Variants in GREB1L observed in about 807,000 individuals in gnomAD.
The protein encoded by GREB1L is GREB1-like protein.
A neutral mutation model predicts 200.8 loss-of-function variants in GREB1L; 17 were observed. The ratio of observed to expected loss-of-function variants is 0.08; its 90% confidence interval spans 0.06 to 0.13. The LOEUF is 0.13. Ranked by LOEUF, GREB1L falls within the 10% of genes least tolerant of loss-of-function variation. GREB1L has a pLI of 1.00. For synonymous variants in GREB1L, 789 were observed against 893.0 expected (o/e 0.88, Z 2.08); for missense variants, 1,657 against 2,367.7 (o/e 0.70, Z 6.23).
At position 21,446,590 on chromosome 18, in the gene GREB1L, C is replaced by CTTTT. The variant is rs1406126639; in HGVS notation, c.1393+2182_1393+2183insTTTT. On this transcript the variant is annotated intron_variant, in intron 11 of 32. Coordinates refer to ENST00000424526, the MANE Select transcript of GREB1L (RefSeq NM_001142966.3). ...TGAATAGCTATTTCTCTTTTAAAAC[C>CTTTT]TAAGCTTTGTACATTGAGACATCTC... Among the ~76,000 whole-genome samples, 1,116 of 152,244 alleles carry CTTTT rather than the reference C, an allele frequency of 7.3e-3. 17 individuals carry two copies. The highest frequency in any genetic ancestry group is 0.025 in the African/African-American group (1,053 of 41,550).
Position 21,436,947 on chromosome 18 carries a change from G to T in GREB1L, c.833-2574G>T, listed in dbSNP as rs542044238. 5.9e-5 allele frequency among the ~76,000 whole-genome samples: 9 copies of T among 152,194 alleles called. No individual in the cohort carries two copies. The East Asian group carries it at 1.6e-3, about 26-fold the overall frequency. ...GCTAGTCTCAAACTCCTGGAGTCAA[G>T]TGATCAGCCAGCCTCAGTCACCCAA... On this transcript the variant is annotated intron_variant, in intron 7 of 32. Transcript: ENST00000424526.
intron 12 of GREB1L, among the ~76,000 whole-genome samples, chr18:21,450,116 T>C (rs1177706382): frequency 6.6e-6 from 1 of 152,218 alleles, no homozygotes; most frequent in Non-Finnish European, 1.5e-5. Flanking sequence ...TGCTGTCCTT[T>C]AAAGATTTTG....
intron 5 of GREB1L, among the ~76,000 whole-genome samples, chr18:21,397,958 CT>C (rs1330898883): frequency 1.3e-5 from 2 of 152,160 alleles, no homozygotes; most frequent in Admixed American, 6.5e-5. Flanking sequence ...AGTAGAACAA[CT>C]TCAGAAAACT....
intron 17 of GREB1L, among the ~76,000 whole-genome samples, chr18:21,479,662 T>C (rs2035843291): frequency 6.7e-6 from 1 of 149,634 alleles, no homozygotes; most frequent in Non-Finnish European, 1.5e-5. Context: ...TTGAGAGACA[T>C]AGCAAGACCC....
intron 1 of GREB1L, among the ~76,000 whole-genome samples, chr18:21,296,640 C>T (rs1158957627): frequency 1.3e-5 from 2 of 151,620 alleles, no homozygotes; most frequent in Non-Finnish European, 2.9e-5. Context: ...CCCAATCATT[C>T]AGCTTTTCTT....
At chr18:21,456,059 C>A (rs141663748) in intron 15 of GREB1L, among the ~76,000 whole-genome samples, 2,582 of 152,094 alleles carry the variant, frequency 0.017, 46 homozygotes, top group Non-Finnish European at 0.019. Flanking sequence ...GTGTGCACCA[C>A]CACTCCCAGC....
chr18:21,284,103 C>A (rs980778568), intron 1 of GREB1L, among the ~76,000 whole-genome samples: 4 of 152,100 alleles, frequency 2.6e-5, no homozygotes, highest in African/African-American at 9.7e-5. Context: ...ATGTGTTGTA[C>A]CTGTCAGCCT....
chr18:21,368,258 C>T (rs1016203990), intron 2 of GREB1L, among the ~76,000 whole-genome samples: 1 of 152,278 alleles, frequency 6.6e-6, no homozygotes, highest in African/African-American at 2.4e-5. Context: ...AAGGTTAAAG[C>T]ACCTTTCAAC....
At chr18:21,399,558 C>T (rs1162801420) in intron 5 of GREB1L, among the ~76,000 whole-genome samples, 1 of 152,006 alleles carries the variant, frequency 6.6e-6, no homozygotes, top group African/African-American at 2.4e-5. Flanking sequence ...CAGCCACTGG[C>T]AACCTTTTTT....
intron 1 of GREB1L, among the ~76,000 whole-genome samples, chr18:21,271,354 A>C (rs1567916140): frequency 1.3e-5 from 2 of 152,080 alleles, no homozygotes; most frequent in Admixed American, 6.5e-5. Flanking sequence ...TTAGTTCAGA[A>C]TTAATTTATT....
At chr18:21,506,721 CTGCG>C (rs773555590) in intron 25 of GREB1L, among the ~76,000 whole-genome samples, 196 of 152,288 alleles carry the variant, frequency 1.3e-3, no homozygotes, top group Non-Finnish European at 2.2e-3. Context: ...ATTCTCACAC[CTGCG>C]TGGGGTGGCT....
chr18:21,475,054 G>C (rs2035632192), intron 16 of GREB1L, among the ~76,000 whole-genome samples: 1 of 152,140 alleles, frequency 6.6e-6, no homozygotes, highest in Non-Finnish European at 1.5e-5. Flanking sequence ...ACTGCACTCT[G>C]GATGAATTTA....
intron 21 of GREB1L, 93 bp from the exon 22 acceptor site, chr18:21,499,636 C>G (rs1402925752): frequency 2.4e-6 from 2 of 849,952 alleles, no homozygotes; most frequent in Non-Finnish European, 3.7e-6. Context: ...GAGCCGAGCC[C>G]AGTGTCCACT....
chr18:21,427,926 C>G lies in GREB1L; in HGVS notation c.833-11595C>G, dbSNP rs1026779150. On this transcript the variant is annotated intron_variant, in intron 7 of 32. Transcript: ENST00000424526. Reference sequence around the variant, plus strand: ...CATATCTTGGCCGGGCGCGGTGGCTCACGCCTGTAATCCCAGCACTTTGGG... The same window carrying G: ...CATATCTTGGCCGGGCGCGGTGGCTGACGCCTGTAATCCCAGCACTTTGGG... Among the ~76,000 whole-genome samples the G allele has an allele frequency of 2.6e-5, 4 of 151,094 alleles. No homozygotes were observed. In the East Asian group the frequency reaches 7.8e-4, roughly 29 times the overall value.
At chr18:21,494,186 A>T (rs2036455205) in intron 19 of GREB1L, among the ~76,000 whole-genome samples, 1 of 152,160 alleles carries the variant, frequency 6.6e-6, no homozygotes, top group South Asian at 2.1e-4. Context: ...AATCTTTTTG[A>T]CACATTGATT....
chr18:21,407,646 C>T (rs1407608265), intron 7 of GREB1L, among the ~76,000 whole-genome samples: 1 of 151,802 alleles, frequency 6.6e-6, no homozygotes, highest in Admixed American at 6.6e-5. Flanking sequence ...CTTCATAAGT[C>T]AATTAACTCT....
rs1425305387 is a variant in GREB1L at position 21,447,009 on chromosome 18, A to G, written c.1394-2501A>G. Reference sequence around the variant, plus strand: ...TTAAGGTAGTTCTTTCTGAAAAGTCATTAAAACTGATACCTCAGCTAACCT... The same window carrying G: ...TTAAGGTAGTTCTTTCTGAAAAGTCGTTAAAACTGATACCTCAGCTAACCT... On this transcript the variant is annotated intron_variant, in intron 11 of 32. Coordinates refer to ENST00000424526, the MANE Select transcript of GREB1L (RefSeq NM_001142966.3). 3.9e-5 allele frequency among the ~76,000 whole-genome samples: 6 copies of G among 152,376 alleles called. No individual in the cohort carries two copies. The East Asian group carries it at 9.6e-4, about 24-fold the overall frequency.
At chr18:21,327,904 C>T (rs1308034450) in intron 1 of GREB1L, among the ~76,000 whole-genome samples, 2 of 151,882 alleles carry the variant, frequency 1.3e-5, no homozygotes, top group African/African-American at 2.4e-5. Context: ...TTAATAGAGA[C>T]GGGGTTTCAC....
At chr18:21,312,746 G>A (rs2038812152) in intron 1 of GREB1L, among the ~76,000 whole-genome samples, 1 of 151,982 alleles carries the variant, frequency 6.6e-6, no homozygotes, top group African/African-American at 2.4e-5. Flanking sequence ...TAGAGATGGG[G>A]TTTCACCATG....
Sources: allele counts gnomAD v4.1 joint callset (sites outside exome capture counted in the v4.1 genomes callset), GRCh38; gene constraint gnomAD v4.1.1; transcripts MANE v1.5; gene names NCBI Gene and HGNC (gene_info 2026-07-23, HGNC 2026-07-21).